The following ARMC8 variants were observed in gnomAD, a reference collection of about 807,000 sequenced individuals.
ARMC8 encodes armadillo repeat-containing protein 8.
ARMC8 carries 20 observed loss-of-function variants against 99.3 expected under a neutral mutation model. The observed-to-expected ratio is 0.20, with a 90% CI of 0.14 to 0.29. The LOEUF is 0.29. ARMC8 is among the 10% of genes least tolerant of loss of function. The pLI is 1.00. For synonymous variants in ARMC8, 263 were observed against 278.3 expected, an observed-to-expected ratio of 0.95 and a Z score of 0.55; for missense variants, 569 against 809.5, an observed-to-expected ratio of 0.70 and a Z score of 3.60.
At chr3:138,191,812 A>G (rs765820540) in intron 1 of ARMC8, among the ~76,000 whole-genome samples, 3 of 152,224 alleles carry the variant, frequency 2.0e-5, no homozygotes, top group African/African-American at 4.8e-5. Flanking sequence ...TTTGAGATCT[A>G]TCCATATTGT....
At chr3:138,287,892 A>G (rs766168820) in intron 19 of ARMC8, 10 of 265,566 alleles carry the variant, frequency 3.8e-5, no homozygotes, top group Non-Finnish European at 7.5e-5. Context: ...ACAATCATCT[A>G]TAAAGTTTAT....
At chr3:138,235,644 ATTG>A (rs998963998) in intron 7 of ARMC8, among the ~76,000 whole-genome samples, 3 of 152,188 alleles carry the variant, frequency 2.0e-5, no homozygotes, top group African/African-American at 7.2e-5. Context: ...TTCGCCATTC[ATTG>A]TTGTCCATCT....
At chr3:138,276,066 A>C (rs909375929) in intron 18 of ARMC8, among the ~76,000 whole-genome samples, 3 of 152,220 alleles carry the variant, frequency 2.0e-5, no homozygotes, top group African/African-American at 7.2e-5. Flanking sequence ...AAGCGAAGCA[A>C]GACAGAAAGG....
chr3:138,188,144 A>G, intron 1 of ARMC8: 1 of 246,308 alleles, frequency 4.1e-6, no homozygotes, highest in Non-Finnish European at 8.0e-6. Context: ...GCTTTTTGGC[A>G]ATGGTGATTC....
chr3:138,223,505 G>A lies in ARMC8; in HGVS notation c.311G>A (p.Cys104Tyr). ...AACAATGTCAAGTCTCTACTGGACT[G>A]CCATATTATCCCTGCCTTATTGCAA... is the stretch of plus-strand genomic sequence containing the variant. ...TENNVKSLLDCHIIPALLQGL... is the reference protein window; with the variant it reads ...TENNVKSLLDYHIIPALLQGL... The change falls in exon 4 of 22, where the codon TGC (cysteine) becomes TAC (tyrosine). Residue 104 changes from cysteine (C) to tyrosine (Y), a missense_variant. Transcript: ENST00000469044. The A allele has an allele frequency of 6.2e-7, 1 of 1,614,210 alleles. No individual in the cohort carries two copies. Among genetic ancestry groups the A allele is most frequent in the South Asian group, 1.1e-5 (1 of 91,088 alleles).
intron 1 of ARMC8, among the ~76,000 whole-genome samples, chr3:138,206,675 G>A (rs931160631): frequency 2.0e-5 from 3 of 152,020 alleles, no homozygotes; most frequent in Non-Finnish European, 4.4e-5. Context: ...ATATTTCTAG[G>A]CTGCCTTCTG....
intron 12 of ARMC8, among the ~76,000 whole-genome samples, chr3:138,250,022 A>C (rs1002020414): frequency 1.3e-5 from 2 of 152,188 alleles, no homozygotes; most frequent in African/African-American, 4.8e-5. Flanking sequence ...TGAACTCTTA[A>C]GTTTTTGTTC....
intron 12 of ARMC8, among the ~76,000 whole-genome samples, chr3:138,249,502 G>A (rs1233460807): frequency 6.6e-6 from 1 of 151,870 alleles, no homozygotes; most frequent in Non-Finnish European, 1.5e-5. Flanking sequence ...CTTTCTAGAT[G>A]TATGATTTTT....
intron 1 of ARMC8, among the ~76,000 whole-genome samples, chr3:138,206,763 A>G (rs2044393405): frequency 6.6e-6 from 1 of 152,210 alleles, no homozygotes; most frequent in South Asian, 2.1e-4. Context: ...ATTGTCCTAT[A>G]CAGATAAATG....
chr3:138,265,081 G>A (rs2048149368), intron 14 of ARMC8, among the ~76,000 whole-genome samples: 1 of 151,294 alleles, frequency 6.6e-6, no homozygotes, highest in Non-Finnish European at 1.5e-5. Context: ...TTATTTTTTT[G>A]AGACAAGGTC....
At chr3:138,256,095 G>T (rs757298878) in intron 12 of ARMC8, among the ~76,000 whole-genome samples, 4 of 152,222 alleles carry the variant, frequency 2.6e-5, no homozygotes, top group Non-Finnish European at 2.9e-5. Context: ...ACATAACAGG[G>T]TATGGATGGG....
At chr3:138,236,749 A>C (rs945380064) in intron 7 of ARMC8, among the ~76,000 whole-genome samples, 14 of 152,096 alleles carry the variant, frequency 9.2e-5, no homozygotes, top group Non-Finnish European at 1.9e-4. Context: ...AAAAAAAAAA[A>C]CATCTCTTAG....
chr3:138,214,901 C>A (rs1280959875), intron 2 of ARMC8, among the ~76,000 whole-genome samples: 1 of 152,176 alleles, frequency 6.6e-6, no homozygotes, highest in Admixed American at 6.5e-5. Context: ...TCAAGTGATC[C>A]TCCCACCTTG....
At chr3:138,233,130 A>G (rs2046144295) in intron 6 of ARMC8, among the ~76,000 whole-genome samples, 1 of 152,200 alleles carries the variant, frequency 6.6e-6, no homozygotes, top group African/African-American at 2.4e-5. Context: ...TTTGTTTCAA[A>G]TGAGACAAAT....
intron 14 of ARMC8, among the ~76,000 whole-genome samples, chr3:138,265,974 T>C (rs965665464): frequency 1.1e-4 from 17 of 152,186 alleles, no homozygotes; most frequent in African/African-American, 4.1e-4. Flanking sequence ...TATGATTCAC[T>C]ACTCAGGAGC....
intron 11 of ARMC8, among the ~76,000 whole-genome samples, chr3:138,244,309 G>T (rs1036939669): frequency 6.6e-6 from 1 of 151,506 alleles, no homozygotes; most frequent in Admixed American, 6.6e-5. Flanking sequence ...ATGTAGTCTC[G>T]CTCTGTTGCC....
intron 14 of ARMC8, among the ~76,000 whole-genome samples, chr3:138,264,671 GC>G (rs1217562233): frequency 1.1e-4 from 17 of 151,752 alleles, no homozygotes; most frequent in Admixed American, 6.6e-4. Context: ...GCCCGCCTCG[GC>G]CCTCCAAAGT....
intron 12 of ARMC8, among the ~76,000 whole-genome samples, chr3:138,256,401 TC>T (rs376368140): frequency 4.1e-5 from 6 of 146,204 alleles, no homozygotes; most frequent in African/African-American, 1.0e-4. Flanking sequence ...TTTTCCTCCT[TC>T]TTTTTTTTTT....
At chr3:138,263,164 A>G (rs1346425645) in intron 12 of ARMC8, among the ~76,000 whole-genome samples, 1 of 152,252 alleles carries the variant, frequency 6.6e-6, no homozygotes, top group African/African-American at 2.4e-5. Context: ...GATGAAGGAA[A>G]ATTGCAGGTT....
Sources: allele counts gnomAD v4.1 joint callset (sites outside exome capture counted in the v4.1 genomes callset), GRCh38; gene constraint gnomAD v4.1.1; transcripts MANE v1.5; gene names NCBI Gene and HGNC (gene_info 2026-07-23, HGNC 2026-07-21).